Variants in RASGEF1B observed in about 807,000 individuals in gnomAD.
RASGEF1B encodes the protein ras-GEF domain-containing family member 1B.
RASGEF1B carries 30 observed loss-of-function variants against 65.7 expected under a neutral mutation model. The observed-to-expected ratio is 0.46, with a 90% CI of 0.34 to 0.62. The LOEUF (loss-of-function observed/expected upper bound fraction) is 0.62. Among genes scored for constraint, RASGEF1B ranks in the 20% least tolerant of loss-of-function variants. The probability of loss-of-function intolerance (pLI) is 0.01; values close to 1 mark genes in which losing one functional copy is unlikely to be tolerated. For missense variants in RASGEF1B, 495 were observed against 580.1 expected (o/e 0.85, Z 1.51); for synonymous variants, 175 against 194.8 (o/e 0.90, Z 0.85).
Position 81,459,342 on chromosome 4 carries a change from T to C in RASGEF1B, c.167A>G (p.Tyr56Cys). ...LIQHLVPNVD[Y>C]YPDRTYIFTF... ...AACATGAATACCTACATCTGGATAG[T>C]AATCCACATTAGGTACTAAGTGCTG... Residue 56 changes from tyrosine to cysteine, a missense_variant, in exon 2 of 14, where the codon TAC becomes TGC. By Grantham distance (194) the Tyr-to-Cys change is radical. Coordinates refer to ENST00000264400, the MANE Select transcript of RASGEF1B (RefSeq NM_152545.3). The C allele has an allele frequency of 6.3e-6, 10 of 1,591,744 alleles. No homozygotes were observed. Among genetic ancestry groups the C allele is most frequent in the Non-Finnish European group, 8.5e-6 (10 of 1,172,898 alleles).
At chr4:81,440,999 C>G (rs749202382) in intron 9 of RASGEF1B, 70 bp from the exon 10 acceptor site, 4 of 1,053,536 alleles carry the variant, frequency 3.8e-6, no homozygotes, top group African/African-American at 1.6e-5. Flanking sequence ...TTTATAAGAT[C>G]ACATATTTAG....
chr4:81,436,725 T>G (rs1370314158), intron 10 of RASGEF1B, among the ~76,000 whole-genome samples: 2 of 152,182 alleles, frequency 1.3e-5, no homozygotes, highest in Non-Finnish European at 2.9e-5. Flanking sequence ...CTATATTGAG[T>G]GAACAGAAAA....
rs1302155939 is a variant in RASGEF1B at position 81,430,079 on chromosome 4, A to G, written c.1397+2220T>C. ...CACTTTGAGAGGCTGAGGCGGGCGG[A>G]TCACGAGGTCAGGAGATCGAGACTA... is the stretch of plus-strand genomic sequence containing the variant. On this transcript the variant is annotated intron_variant, in intron 13 of 13. Coordinates refer to ENST00000264400, the MANE Select transcript of RASGEF1B (RefSeq NM_152545.3). 2.6e-5 allele frequency among the ~76,000 whole-genome samples: 4 copies of G among 152,298 alleles called. No individual in the cohort carries two copies. In the East Asian group the frequency reaches 5.8e-4, roughly 22 times the overall value.
At chr4:81,428,952 G>A (rs1329659000) in intron 13 of RASGEF1B, among the ~76,000 whole-genome samples, 1 of 152,204 alleles carries the variant, frequency 6.6e-6, no homozygotes, top group Non-Finnish European at 1.5e-5. Context: ...ACTTCTTCGT[G>A]GTTGCTATGC....
At chr4:81,457,029 T>C (rs1190445791) in intron 3 of RASGEF1B, among the ~76,000 whole-genome samples, 1 of 152,200 alleles carries the variant, frequency 6.6e-6, no homozygotes, top group Non-Finnish European at 1.5e-5. Flanking sequence ...TTAATGTCTT[T>C]TATTTTTGAG....
intron 1 of RASGEF1B, among the ~76,000 whole-genome samples, chr4:81,460,948 T>C (rs1290394650): frequency 1.3e-5 from 2 of 152,208 alleles, no homozygotes; most frequent in Non-Finnish European, 2.9e-5. Flanking sequence ...ACTGGCCCCA[T>C]GTCTCTCCTT....
intron 4 of RASGEF1B, chr4:81,453,764 G>A (rs1297292920): frequency 1.3e-5 from 2 of 152,232 alleles, no homozygotes; most frequent in African/African-American, 2.4e-5. Context: ...AAGAACTGGA[G>A]GAAGGACATC....
intron 11 of RASGEF1B, among the ~76,000 whole-genome samples, chr4:81,434,371 A>G (rs1721536442): frequency 6.6e-6 from 1 of 152,188 alleles, no homozygotes; most frequent in Non-Finnish European, 1.5e-5. Context: ...AATCTTCTGA[A>G]TTAAATAGTT....
At chr4:81,466,778 G>A (rs866649211) in intron 1 of RASGEF1B, among the ~76,000 whole-genome samples, 3 of 129,812 alleles carry the variant, frequency 2.3e-5, no homozygotes, top group African/African-American at 9.5e-5. Flanking sequence ...AAAAAAGAAA[G>A]AAAGAAAGAA....
intron 12 of RASGEF1B, among the ~76,000 whole-genome samples, chr4:81,432,889 G>C (rs983478739): frequency 6.6e-6 from 1 of 151,802 alleles, no homozygotes; most frequent in Non-Finnish European, 1.5e-5. Flanking sequence ...TCTTTATAGA[G>C]ATTAAAAACA....
intron 8 of RASGEF1B, among the ~76,000 whole-genome samples, chr4:81,445,222 T>C (rs1721975386): frequency 1.3e-5 from 2 of 152,354 alleles, no homozygotes; most frequent in South Asian, 4.1e-4. Context: ...ATACTTGATA[T>C]GCAAGCTGCC....
chr4:81,452,435 C>G (rs1006577390), intron 4 of RASGEF1B: 8 of 152,188 alleles, frequency 5.3e-5, no homozygotes, highest in African/African-American at 1.9e-4. Flanking sequence ...GAAAAATTTA[C>G]TGGGGGAAGA....
Position 81,456,738 on chromosome 4 carries a change from C to T in RASGEF1B, c.351G>A (p.Trp117Ter). 6.2e-7 allele frequency: 1 copy of T among 1,613,962 alleles called. No homozygotes were observed. The highest frequency in any genetic ancestry group is 8.5e-7 in the Non-Finnish European group (1 of 1,179,876). Residue 117 changes from tryptophan to a stop codon, truncating the protein, a stop_gained, in exon 4 of 14, where the codon TGG becomes TGA. Coordinates refer to ENST00000264400, the MANE Select transcript of RASGEF1B (RefSeq NM_152545.3). LOFTEE classifies it high-confidence loss of function. ...GAAAATCATAGGGAAATGTTTCCGTCCATTCCGTGAGGAGTTGAAGGATTT... is the reference window on the plus strand; with the variant it reads ...GAAAATCATAGGGAAATGTTTCCGTTCATTCCGTGAGGAGTTGAAGGATTT... ...APKILQLLTE[W>*]TETFPYDFRD...
chr4:81,441,369 AG>A (rs2109974472), intron 9 of RASGEF1B, among the ~76,000 whole-genome samples: 1 of 152,302 alleles, frequency 6.6e-6, no homozygotes, highest in Non-Finnish European at 1.5e-5. Context: ...TAAATGTATT[AG>A]GTTGTATGAA....
chr4:81,444,197 C>T (rs1721941840), intron 8 of RASGEF1B, among the ~76,000 whole-genome samples: 1 of 152,060 alleles, frequency 6.6e-6, no homozygotes, highest in Admixed American at 6.6e-5. Context: ...TTTGTCAGCT[C>T]TATGTATTAC....
At chr4:81,458,474 G>A (rs1378768329) in intron 2 of RASGEF1B, among the ~76,000 whole-genome samples, 1 of 152,136 alleles carries the variant, frequency 6.6e-6, no homozygotes, top group Non-Finnish European at 1.5e-5. Flanking sequence ...GAAACACTAT[G>A]GTGAATTACT....
chr4:81,440,871 G>A lies in RASGEF1B; in HGVS notation c.1067C>T (p.Ala356Val), dbSNP rs1281221431. The A allele has an allele frequency of 1.2e-5, 19 of 1,612,988 alleles. No individual in the cohort carries two copies. Among genetic ancestry groups the A allele is most frequent in the African/African-American group, 9.3e-5 (7 of 74,898 alleles). ...ACTATGAGCAGTTAAAGACCTTTGT[G>A]CTGCCCCACGAAGAGCTGTTCGATA... ...YNYRTALRGA[A>V]QRSLTAHSSR... The change falls in exon 10 of 14, where the codon GCA becomes GTA. Residue 356 changes from alanine to valine, a missense_variant. By Grantham distance (64) the Ala-to-Val change is moderately conservative (BLOSUM62 0). Transcript: ENST00000264400.
At chr4:81,446,871 G>A (rs1164101805) in intron 6 of RASGEF1B, among the ~76,000 whole-genome samples, 2 of 152,210 alleles carry the variant, frequency 1.3e-5, no homozygotes, top group African/African-American at 4.8e-5. Flanking sequence ...AGCAGCTGTT[G>A]CCCCCACTCT....
chr4:81,447,592 C>G lies in RASGEF1B; in HGVS notation c.655-14G>C. On this transcript the variant is annotated splice_polypyrimidine_tract_variant and intron_variant, in intron 5 of 13. Coordinates refer to ENST00000264400, the MANE Select transcript of RASGEF1B (RefSeq NM_152545.3). ...ATTGAGCCTCTCCTGAAACACAAAC[C>G]CAGAAGGTCAACAGTATTAAAGAAA... 1.9e-6 allele frequency: 3 copies of G among 1,607,672 alleles called. No homozygotes were observed.
Sources: allele counts gnomAD v4.1 joint callset (sites outside exome capture counted in the v4.1 genomes callset), GRCh38; gene constraint gnomAD v4.1.1; transcripts MANE v1.5; gene names NCBI Gene and HGNC (gene_info 2026-07-23, HGNC 2026-07-21).